Variants in VWF observed in about 807,000 individuals in gnomAD.
The protein encoded by VWF is von Willebrand factor.
VWF carries 176 observed loss-of-function variants against 308.6 expected under a neutral mutation model. The ratio of observed to expected loss-of-function variants is 0.57; its 90% CI spans 0.50 to 0.65. The LOEUF (loss-of-function observed/expected upper bound fraction) is 0.65, where lower values mean the gene tolerates loss of function less well. Ranked by LOEUF, VWF falls within the 30% of genes least tolerant of loss-of-function variation. The probability of loss-of-function intolerance (pLI) is 0.00; values close to 1 mark genes in which losing one functional copy is unlikely to be tolerated. For missense variants in VWF, 3,146 were observed against 3,648.2 expected, an observed-to-expected ratio of 0.86 and a Z score of 3.55; for synonymous variants, 1,385 against 1,443.4, an observed-to-expected ratio of 0.96 and a Z score of 0.92.
chr12:5,969,924 G>A lies in VWF; in HGVS notation c.7549-533C>T, dbSNP rs1943451841. On this transcript the variant is annotated intron_variant, in intron 44 of 51. Transcript: ENST00000261405. ...GAAGCTGAAAGGGCCCAAGACCATG[G>A]TTCAGAAAAGTCACCAGGAGGATCT... Among the ~76,000 whole-genome samples the A allele has an allele frequency of 2.6e-5, 4 of 151,898 alleles. No individual in the cohort carries two copies. In the South Asian group the frequency reaches 6.3e-4, roughly 24 times the overall value.
At chr12:5,992,224 C>A (rs1423818889) in intron 37 of VWF, among the ~76,000 whole-genome samples, 1 of 152,236 alleles carries the variant, frequency 6.6e-6, no homozygotes, top group African/African-American at 2.4e-5. Flanking sequence ...TATTTCCCAA[C>A]CTTTCTTGCA....
At chr12:6,054,532 A>C (rs1288666027) in intron 15 of VWF, among the ~76,000 whole-genome samples, 2 of 152,208 alleles carry the variant, frequency 1.3e-5, no homozygotes, top group Non-Finnish European at 2.9e-5. Flanking sequence ...CCAAAGAAAC[A>C]ATGCACATCT....
intron 18 of VWF, among the ~76,000 whole-genome samples, chr12:6,036,882 T>C (rs536615879): frequency 3.3e-5 from 5 of 152,306 alleles, no homozygotes; most frequent in South Asian, 2.1e-4. Flanking sequence ...AAGGAAAGGA[T>C]TTCTCTGAGG....
chr12:6,095,627 T>G (rs373224424), intron 5 of VWF, 43 bp from the exon 6 acceptor site: 91 of 1,613,664 alleles, frequency 5.6e-5, no homozygotes, highest in Admixed American at 4.2e-4. Flanking sequence ...CAGTTATGCC[T>G]GTCCCAGAAC....
intron 37 of VWF, 61 bp downstream of exon 37, chr12:5,993,801 G>C: frequency 6.6e-7 from 1 of 1,509,910 alleles, no homozygotes; most frequent in East Asian, 2.3e-5. Flanking sequence ...GGGGCACAGA[G>C]AGGCTGAGCA....
intron 34 of VWF, among the ~76,000 whole-genome samples, chr12:6,006,265 A>G (rs1427945134): frequency 2.0e-5 from 3 of 152,190 alleles, no homozygotes; most frequent in African/African-American, 7.2e-5. Flanking sequence ...ACAAAAGGAA[A>G]TGAGGAAGGA....
At chr12:6,007,450 A>G (rs780005290) in intron 34 of VWF, among the ~76,000 whole-genome samples, 15 of 152,222 alleles carry the variant, frequency 9.9e-5, no homozygotes, top group Non-Finnish European at 1.5e-4. Context: ...ATATGTGGAA[A>G]TTAAAAAACA....
chr12:6,075,402 C>G lies in VWF; in HGVS notation c.807G>C (p.Leu269=). 1 of 1,614,120 alleles carries G rather than the reference C, an allele frequency of 6.2e-7. No individual in the cohort carries two copies. The change falls in exon 7 of 52, where the codon CTG becomes CTC. Residue 269 remains leucine, a synonymous_variant. Transcript: ENST00000261405. The surrounding 1 kb of genome is among the most constrained non-coding windows in gnomAD (Gnocchi z 4.7). ...GGLECACPAL[L]EYARTCAQEG... Reference sequence around the variant, plus strand: ...CCTGGGCACAGGTCCGGGCGTACTCCAGGAGGGCAGGGCAGGCGCACTCCA... The same window carrying G: ...CCTGGGCACAGGTCCGGGCGTACTCGAGGAGGGCAGGGCAGGCGCACTCCA...
intron 47 of VWF, among the ~76,000 whole-genome samples, chr12:5,956,341 C>T (rs1429434646): frequency 4.6e-5 from 7 of 152,118 alleles, no homozygotes; most frequent in Non-Finnish European, 7.4e-5. Flanking sequence ...CAGAAGAAGG[C>T]ATTGTTATCA....
Position 6,046,340 on chromosome 12 carries a change from T to C in VWF, c.2281+383A>G, listed in dbSNP as rs1272606532. On this transcript the variant is annotated intron_variant, in intron 17 of 51. Transcript: ENST00000261405. The surrounding 1 kb of genome is among the most constrained non-coding windows in gnomAD (Gnocchi z 5.0). The stretch of plus-strand genomic sequence containing the variant: ...CTTTCTCAAGGAAGAGCTGTCTTCA[T>C]CAGCATGTCCATAGGAAACAAGAGG... Among the ~76,000 whole-genome samples the C allele has an allele frequency of 1.3e-5, 2 of 152,174 alleles. No homozygotes were observed. The highest frequency in any genetic ancestry group is 2.1e-4 in the South Asian group (1 of 4,830).
chr12:5,994,951 A>G (rs1051819164), intron 35 of VWF, among the ~76,000 whole-genome samples: 1 of 151,968 alleles, frequency 6.6e-6, no homozygotes, highest in Non-Finnish European at 1.5e-5. Flanking sequence ...CTTATTGCCA[A>G]CTCATCAGAG....
intron 37 of VWF, among the ~76,000 whole-genome samples, chr12:5,992,499 G>A (rs1207842267): frequency 2.6e-5 from 4 of 152,166 alleles, no homozygotes; most frequent in Admixed American, 6.5e-5. Flanking sequence ...TGGAGCCACC[G>A]CCTCCGATCA....
At chr12:6,022,439 C>A (rs1944139364) in intron 26 of VWF, among the ~76,000 whole-genome samples, 1 of 152,012 alleles carries the variant, frequency 6.6e-6, no homozygotes, top group South Asian at 2.1e-4. Context: ...GTTCCTCAGA[C>A]ACACTCGTCA....
intron 18 of VWF, among the ~76,000 whole-genome samples, chr12:6,037,955 A>G (rs919767501): frequency 1.3e-5 from 2 of 152,222 alleles, no homozygotes; most frequent in Admixed American, 6.5e-5. Flanking sequence ...GCTTAATGTC[A>G]TCTTCACCCA....
intron 6 of VWF, among the ~76,000 whole-genome samples, chr12:6,084,955 G>C (rs976361319): frequency 6.6e-6 from 1 of 152,198 alleles, no homozygotes; most frequent in East Asian, 1.9e-4. Context: ...TGACTCACAA[G>C]GACCTGGTGA....
rs1365748921 is a variant in VWF, at chr12:6,034,789, C to T, written c.2584G>A (p.Val862Met). Residue 862 changes from valine (V) to methionine (M), a missense_variant, in exon 20 of 52, where the codon GTG becomes ATG. Transcript: ENST00000261405. Reference sequence around the variant, plus strand: ...ATCGTGGAGCACGTGGCATCACACACATGGTCTGTGCAGTTCCACTTCCGG... The same window carrying T: ...ATCGTGGAGCACGTGGCATCACACATATGGTCTGTGCAGTTCCACTTCCGG... ...QDRKWNCTDHVCDATCSTIGM... is the reference protein window; with the variant it reads ...QDRKWNCTDHMCDATCSTIGM... The T allele has an allele frequency of 6.2e-7, 1 of 1,614,140 alleles. No homozygotes were observed. Among genetic ancestry groups the T allele is most frequent in the Non-Finnish European group, 8.5e-7 (1 of 1,180,064 alleles).
At chr12:5,967,669 T>C in intron 46 of VWF, 67 bp from the exon 47 acceptor site, 2 of 1,323,690 alleles carry the variant, frequency 1.5e-6, no homozygotes, top group South Asian at 2.3e-5. Context: ...CTCACTCTCA[T>C]ACCCTGTCTC....
rs780982814 is a variant in VWF at position 5,996,099 on chromosome 12, T to C, written c.5966A>G (p.His1989Arg). Residue 1989 changes from histidine (H) to arginine (R), a missense_variant, in exon 35 of 52, where the codon CAT becomes CGT. By Grantham distance (29) the His-to-Arg change is conservative (BLOSUM62 0). Transcript: ENST00000261405. ...NKEQDLEVIL[H>R]NGACSPGARQ... is the part of the protein sequence containing the mutation. Reference sequence around the variant, plus strand: ...TGCTCCAGGGCTGCAGGCACCATTATGGAGAATCACCTCCAGGTCCTGCTC... The same window carrying C: ...TGCTCCAGGGCTGCAGGCACCATTACGGAGAATCACCTCCAGGTCCTGCTC... 9.3e-6 allele frequency: 15 copies of C among 1,613,994 alleles called. No homozygotes were observed. Among genetic ancestry groups the C allele is most frequent in the Non-Finnish European group, 1.1e-5 (13 of 1,180,022 alleles).
Position 6,121,254 on chromosome 12 carries a change from T to C in VWF, c.140A>G (p.Asp47Gly). The C allele has an allele frequency of 1.2e-6, 2 of 1,614,130 alleles. No individual in the cohort carries two copies. Among genetic ancestry groups the C allele is most frequent in the Non-Finnish European group, 1.7e-6 (2 of 1,180,020 alleles). ...TCCCGCAAAGCTGTACATGCTCCCA[T>C]CAAAGGTGTTGACGAAGTCACTTCC... ...LFGSDFVNTF[D>G]GSMYSFAGYC... Residue 47 changes from aspartate to glycine, a missense_variant, in exon 3 of 52, where the codon GAT becomes GGT. Asp to Gly is a moderately conservative substitution (Grantham distance 94). Coordinates refer to ENST00000261405, the MANE Select transcript of VWF (RefSeq NM_000552.5).
Sources: allele counts gnomAD v4.1 joint callset (sites outside exome capture counted in the v4.1 genomes callset), GRCh38; gene constraint gnomAD v4.1.1; non-coding constraint Gnocchi (gnomAD v3.1); transcripts MANE v1.5; gene names NCBI Gene and HGNC (gene_info 2026-07-23, HGNC 2026-07-21).